AFDN: variants seen among roughly 807,000 people sequenced by gnomAD.
The protein encoded by AFDN is afadin.
AFDN carries 68 observed loss-of-function variants against 216.6 expected under a neutral mutation model. The ratio of observed to expected loss-of-function variants is 0.31; its 90% CI spans 0.26 to 0.38. AFDN has a LOEUF of 0.38. AFDN is among the 10% of genes least tolerant of loss of function. The pLI, the probability that AFDN is intolerant of heterozygous loss-of-function variation, is 1.00. For missense variants in AFDN, 2,136 were observed against 2,342.0 expected (o/e 0.91, Z 1.82); for synonymous variants, 868 against 853.7 (o/e 1.02, Z -0.29).
At chr6:167,956,769 C>G (rs914314487) in intron 30 of AFDN, among the ~76,000 whole-genome samples, 10 of 152,100 alleles carry the variant, frequency 6.6e-5, no homozygotes, top group African/African-American at 1.9e-4. Flanking sequence ...TTTCTCTGTT[C>G]AGAAACTCTA....
Position 167,861,789 on chromosome 6 carries a change from T to G in AFDN, c.106-2762T>G, listed in dbSNP as rs567348365. ...TATCTGGTAATTTGGAATTATTTGT[T>G]GGCAATTCTCAGGGAAACTGGTGCT... is the stretch of plus-strand genomic sequence containing the variant. On this transcript the variant is annotated intron_variant, in intron 1 of 33. Coordinates refer to ENST00000683244, the MANE Select transcript of AFDN (RefSeq NM_001386888.1). Among the ~76,000 whole-genome samples, 436 of 152,336 alleles carry G rather than the reference T, an allele frequency of 2.9e-3. 1 individual carries two copies. Among genetic ancestry groups the G allele is most frequent in the African/African-American group, 0.01 (424 of 41,586 alleles).
intron 1 of AFDN, among the ~76,000 whole-genome samples, chr6:167,846,216 C>G (rs979424612): frequency 6.6e-6 from 1 of 151,842 alleles, no homozygotes; most frequent in South Asian, 2.1e-4. Context: ...TCTTTTTTTT[C>G]CTTAAATGAG....
rs188980428 is a variant in AFDN, at chr6:167,959,471, C to G, written c.4834-2962C>G. 1.8e-4 allele frequency among the ~76,000 whole-genome samples: 27 copies of G among 152,278 alleles called. No homozygotes were observed. In the East Asian group the frequency reaches 3.1e-3, roughly 17 times the overall value. The stretch of plus-strand genomic sequence containing the variant: ...CAATCATTAATTTGTAATAAATGAT[C>G]AGGTGTTTTCTTCATGTTTTTGTCC... On this transcript the variant is annotated intron_variant, in intron 30 of 33. Transcript: ENST00000683244.
chr6:167,918,513 C>T (rs545815726), intron 20 of AFDN, among the ~76,000 whole-genome samples: 3 of 152,280 alleles, frequency 2.0e-5, no homozygotes, highest in Non-Finnish European at 2.9e-5. Context: ...CTTGGTTCAT[C>T]TATAAAATGT....
In AFDN at chr6:167,951,063, G is replaced by T; in HGVS notation, c.3832-123G>T. Reference sequence around the variant, plus strand: ...ATTAGCCAATGAGCCTTGTAGGGCAGTCTCAGTCTCTTTCTGTACACTGAT... The same window carrying T: ...ATTAGCCAATGAGCCTTGTAGGGCATTCTCAGTCTCTTTCTGTACACTGAT... On this transcript the variant is annotated intron_variant, in intron 29 of 33. Transcript: ENST00000683244. The surrounding 1 kb of genome is among the most constrained non-coding windows in gnomAD (Gnocchi z 7.1). 1 of 1,366,324 alleles carries T rather than the reference G, an allele frequency of 7.3e-7. No individual in the cohort carries two copies. The highest frequency in any genetic ancestry group is 9.6e-7 in the Non-Finnish European group (1 of 1,040,528). 84.6% of individuals were successfully genotyped at this position (1,366,324 alleles called of 1,614,324 possible).
intron 3 of AFDN, among the ~76,000 whole-genome samples, chr6:167,871,998 A>T (rs1317059145): frequency 6.6e-6 from 1 of 152,210 alleles, no homozygotes; most frequent in Non-Finnish European, 1.5e-5. Context: ...AGATGCACAG[A>T]TCTTGAGTGT....
chr6:167,898,073 T>G, intron 10 of AFDN, 132 bp from the exon 11 acceptor site: 1 of 969,134 alleles, frequency 1.0e-6, no homozygotes, highest in Non-Finnish European at 1.5e-6. Context: ...AAATCCACTT[T>G]AAAAGGCACT....
In AFDN at chr6:167,917,141, T is replaced by C. The variant is rs1360231126; in HGVS notation, c.2618T>C (p.Ile873Thr). ...TATGCACCTGATGACATTCCAAATA[T>C]AAACAGCACCTGCTTTAAGTTAAAT... ...DKYAPDDIPN[I>T]NSTCFKLNSL... The change falls in exon 20 of 34, where the codon ATA (isoleucine) becomes ACA (threonine). Residue 873 changes from isoleucine to threonine, a missense_variant. This residue lies in a region of AFDN where 162 missense variants were observed against 182.6 expected (regional missense o/e 0.89). Coordinates refer to ENST00000683244, the MANE Select transcript of AFDN (RefSeq NM_001386888.1). The C allele has an allele frequency of 1.2e-6, 2 of 1,613,286 alleles. No homozygotes were observed. The highest frequency in any genetic ancestry group is 2.2e-5 in the South Asian group (2 of 90,770).
At chr6:167,849,842 G>GCTGGTTTCATTAGTGTCA (rs1782103340) in intron 1 of AFDN, among the ~76,000 whole-genome samples, 1 of 152,196 alleles carries the variant, frequency 6.6e-6, no homozygotes. Flanking sequence ...TGAACAGTGA[G>GCTGGTTTCATTAGTGTCA]CTGGTTTCAT....
chr6:167,971,649 T>C lies in AFDN; in HGVS notation c.*1714T>C. On this transcript the variant is annotated 3_prime_UTR_variant, in exon 34 of 34. Transcript: ENST00000683244. ...TTAAAGAGATGCAGATGAATTACTTTTCTGTTAATATATAGAAAAATACAC... is the reference window on the plus strand; with the variant it reads ...TTAAAGAGATGCAGATGAATTACTTCTCTGTTAATATATAGAAAAATACAC... 5.1e-6 allele frequency: 1 copy of C among 194,860 alleles called. No homozygotes were observed. Among genetic ancestry groups the C allele is most frequent in the East Asian group, 8.2e-5 (1 of 12,258 alleles). The allele number at this position is 194,860 out of a possible 1,614,324, so 12.1% of individuals were successfully genotyped here.
At chr6:167,863,284 A>G (rs1330702925) in intron 1 of AFDN, among the ~76,000 whole-genome samples, 2 of 152,238 alleles carry the variant, frequency 1.3e-5, no homozygotes, top group Non-Finnish European at 2.9e-5. Context: ...TCTGGTTCCA[A>G]GCATTTTGAA....
intron 1 of AFDN, among the ~76,000 whole-genome samples, chr6:167,839,090 A>G (rs184372521): frequency 6.6e-6 from 1 of 152,298 alleles, no homozygotes; most frequent in East Asian, 1.9e-4. Flanking sequence ...ATGAAGTGCT[A>G]CCTGTTTATA....
intron 12 of AFDN, among the ~76,000 whole-genome samples, chr6:167,902,821 A>T (rs1789161085): frequency 6.6e-6 from 1 of 152,218 alleles, no homozygotes; most frequent in Non-Finnish European, 1.5e-5. Flanking sequence ...AACTGGTAAT[A>T]GGTGCACTTA....
Position 167,827,207 on chromosome 6 carries a change from G to A in AFDN, c.75G>A (p.Leu25=), listed in dbSNP as rs1171495144. The A allele has an allele frequency of 1.6e-6, 2 of 1,267,140 alleles. No homozygotes were observed. The highest frequency in any genetic ancestry group is 1.6e-5 in the African/African-American group (1 of 62,694). 78.5% of individuals were successfully genotyped at this position (1,267,140 alleles called of 1,614,324 possible). A position where few individuals can be genotyped will look rare whatever the true frequency, so the allele number is the denominator to read the frequency against. The change falls in exon 1 of 34, where the codon CTG becomes CTA. Residue 25 remains leucine, a synonymous_variant. Coordinates refer to ENST00000683244, the MANE Select transcript of AFDN (RefSeq NM_001386888.1). ...DIIHHWNANR[L]DLFEISQPTE... Reference sequence around the variant, plus strand: ...TCCACCACTGGAACGCCAACCGGCTGGACCTGTTCGAGATCAGCCAGCCGA... The same window carrying A: ...TCCACCACTGGAACGCCAACCGGCTAGACCTGTTCGAGATCAGCCAGCCGA...
chr6:167,906,530 A>C (rs1286641593), intron 12 of AFDN, among the ~76,000 whole-genome samples: 3 of 152,196 alleles, frequency 2.0e-5, no homozygotes, highest in East Asian at 1.9e-4. Flanking sequence ...CATTGTATAA[A>C]ATTTTTTCTT....
Position 167,902,338 on chromosome 6 carries a change from T to G in AFDN, c.1602T>G (p.Phe534Leu), listed in dbSNP as rs774276456. 4 of 1,612,952 alleles carry G rather than the reference T, an allele frequency of 2.5e-6. No homozygotes were observed. Among genetic ancestry groups the G allele is most frequent in the Non-Finnish European group, 3.4e-6 (4 of 1,179,148 alleles). ...HKPGIVQETT[F>L]DLGGDIHSGT... is the part of the protein sequence containing the mutation. Reference sequence around the variant, plus strand: ...TCAGAATTGTTCAGGAGACAACTTTTGATTTGGGAGGAGATATTCATAGTG... The same window carrying G: ...TCAGAATTGTTCAGGAGACAACTTTGGATTTGGGAGGAGATATTCATAGTG... The change falls in exon 12 of 34, where the codon TTT becomes TTG. Residue 534 changes from phenylalanine (F) to leucine (L), a missense_variant. By Grantham distance (22) the Phe-to-Leu change is conservative. Coordinates refer to ENST00000683244, the MANE Select transcript of AFDN (RefSeq NM_001386888.1).
intron 19 of AFDN, among the ~76,000 whole-genome samples, chr6:167,916,064 A>G (rs1791020070): frequency 6.6e-6 from 1 of 152,210 alleles, no homozygotes; most frequent in Non-Finnish European, 1.5e-5. Flanking sequence ...TGAAATCAAG[A>G]TGTCAGCAGG....
At chr6:167,863,580 T>C (rs1215467873) in intron 1 of AFDN, among the ~76,000 whole-genome samples, 5 of 152,262 alleles carry the variant, frequency 3.3e-5, no homozygotes, top group Admixed American at 1.3e-4. Flanking sequence ...AGGATGACTT[T>C]AGTTGAACAA....
At chr6:167,827,605 G>C (rs1378415918) in intron 1 of AFDN, 1 of 148,734 alleles carries the variant, frequency 6.7e-6, no homozygotes, top group African/African-American at 2.4e-5. Flanking sequence ...GCGGCGCGCG[G>C]GGCCGGCGCC....
Sources: gnomAD v4.1 joint callset for allele counts (sites outside exome capture counted in the v4.1 genomes callset) on GRCh38, gnomAD v4.1.1 for gene constraint, gnomAD v4.1.1 regional missense constraint, Gnocchi (gnomAD v3.1) non-coding constraint, MANE v1.5 for transcripts, NCBI Gene and HGNC (gene_info 2026-07-23, HGNC 2026-07-21) for gene names.